The following ATP4A variants were observed in gnomAD, a reference collection of about 807,000 sequenced individuals.
ATP4A encodes ATPase H+/K+ transporting subunit alpha.
Under a neutral mutation model 112.1 loss-of-function variants are expected in ATP4A, and 73 were observed. The observed-to-expected ratio is 0.65, with a 90% CI of 0.54 to 0.79. ATP4A has a LOEUF of 0.79. Among genes scored for constraint, ATP4A ranks in the 30% least tolerant of loss-of-function variants. The pLI is 0.00. For synonymous variants in ATP4A, 588 were observed against 588.9 expected (o/e 1.00, Z 0.02); for missense variants, 1,081 against 1,425.9 (o/e 0.76, Z 3.90).
chr19:35,555,551 C>T lies in ATP4A; in HGVS notation c.2046G>A (p.Lys682=). Residue 682 remains lysine, a synonymous_variant, in exon 14 of 22, where the codon AAG becomes AAA. Transcript: ENST00000262623. The surrounding 1 kb of genome is among the most constrained non-coding windows in gnomAD (Gnocchi z 6.6). ...RACVINGMQL[K]DMDPSELVEA... ...CGACCAGTTCCGATGGGTCCATGTCCTTCAGCTGCATGCCATTGATCACAC... is the reference window on the plus strand; with the variant it reads ...CGACCAGTTCCGATGGGTCCATGTCTTTCAGCTGCATGCCATTGATCACAC... The T allele has an allele frequency of 1.3e-6, 2 of 1,592,006 alleles. No individual in the cohort carries two copies. Among genetic ancestry groups the T allele is most frequent in the Non-Finnish European group, 8.6e-7 (1 of 1,164,562 alleles).
chr19:35,555,779 C>T lies in ATP4A; in HGVS notation c.1903G>A (p.Ala635Thr), dbSNP rs1404726499. Residue 635 changes from alanine (A) to threonine (T), a missense_variant, in exon 13 of 22, where the codon GCC becomes ACC. Around this residue, in one of 3 missense-constraint regions of ATP4A, gnomAD observed 850 missense variants for 1,068.2 expected, o/e 0.80. Transcript: ENST00000262623. The surrounding 1 kb of genome is among the most constrained non-coding windows in gnomAD (Gnocchi z 6.6). ...CCCACACTGGCTGCAATGGCCTTGG[C>T]GGTGATGGGGTGGTCACCCGTTACC... is the stretch of plus-strand genomic sequence containing the variant. Reference protein sequence around the residue: ...IMVTGDHPITAKAIAASVGII... With the variant: ...IMVTGDHPITTKAIAASVGII... 3.7e-6 allele frequency: 6 copies of T among 1,613,390 alleles called. No individual in the cohort carries two copies. The South Asian group carries it at 4.4e-5, about 12-fold the overall frequency.
Position 35,560,940 on chromosome 19 carries a change from C to T in ATP4A, c.421-8G>A. On this transcript the variant is annotated splice_region_variant and splice_polypyrimidine_tract_variant and intron_variant, in intron 4 of 21. Transcript: ENST00000262623. The surrounding 1 kb of genome is among the most constrained non-coding windows in gnomAD (Gnocchi z 5.1). ...AGCGATTGCCAGGTACAGCTGGGGA[C>T]AGGGAAGGGGTGGGGTTATTCAGAG... 1 of 1,613,092 alleles carries T rather than the reference C, an allele frequency of 6.2e-7. No homozygotes were observed. Among genetic ancestry groups the T allele is most frequent in the South Asian group, 1.1e-5 (1 of 91,048 alleles).
chr19:35,563,096 C>T lies in ATP4A; in HGVS notation c.216+113G>A, dbSNP rs900748991. On this transcript the variant is annotated intron_variant, in intron 3 of 21. Coordinates refer to ENST00000262623, the MANE Select transcript of ATP4A (RefSeq NM_000704.3). Reference sequence around the variant, plus strand: ...CCTCCCTCTCTCTATTTCTCCATATCTTCCTCTCTTCATCTCTCCCTCTCT... The same window carrying T: ...CCTCCCTCTCTCTATTTCTCCATATTTTCCTCTCTTCATCTCTCCCTCTCT... 7.3e-6 allele frequency: 8 copies of T among 1,094,198 alleles called. No homozygotes were observed. In the African/African-American group the frequency reaches 1.3e-4, roughly 18 times the overall value. 67.8% of individuals were successfully genotyped at this position (1,094,198 alleles called of 1,614,324 possible). A position where few individuals can be genotyped will look rare whatever the true frequency, so the allele number is the denominator to read the frequency against.
In ATP4A at chr19:35,562,429, G is replaced by T. The variant is rs376808898; in HGVS notation, c.420+6C>A. 12 of 1,612,566 alleles carry T rather than the reference G, an allele frequency of 7.4e-6. No individual in the cohort carries two copies. The highest frequency in any genetic ancestry group is 1.3e-5 in the African/African-American group (1 of 74,892). On this transcript the variant is annotated splice_donor_region_variant and intron_variant, in intron 4 of 21. Coordinates refer to ENST00000262623, the MANE Select transcript of ATP4A (RefSeq NM_000704.3). ...GTCCTGAGCCTGTCCCCACAACATGGCTCACATTGTCGTCGGTGGTGAGGT... is the reference window on the plus strand; with the variant it reads ...GTCCTGAGCCTGTCCCCACAACATGTCTCACATTGTCGTCGGTGGTGAGGT...
At position 35,557,525 on chromosome 19, in the gene ATP4A, G is replaced by T; in HGVS notation, c.1693+130C>A. On this transcript the variant is annotated intron_variant, in intron 11 of 21. Transcript: ENST00000262623. This position sits in a 1 kb window ranked among gnomAD's most constrained non-coding sequence, Gnocchi z 4.4. ...TGGTACAGGGAAAGTCAAGGGTGAG[G>T]CTGTGGACTGCGACAAATCAGCCAG... is the stretch of plus-strand genomic sequence containing the variant. 1.8e-6 allele frequency: 2 copies of T among 1,133,760 alleles called. No individual in the cohort carries two copies. Among genetic ancestry groups the T allele is most frequent in the African/African-American group, 1.6e-5 (1 of 64,494 alleles). The allele number at this position is 1,133,760 out of a possible 1,614,324, so 70.2% of individuals were successfully genotyped here. A position where few individuals can be genotyped will look rare whatever the true frequency, so the allele number is the denominator to read the frequency against.
Position 35,560,858 on chromosome 19 carries a change from G to A in ATP4A, c.495C>T (p.Ser165=). 6.2e-7 allele frequency: 1 copy of A among 1,613,998 alleles called. No individual in the cohort carries two copies. The highest frequency in any genetic ancestry group is 8.5e-7 in the Non-Finnish European group (1 of 1,179,956). The part of the protein sequence containing the change: ...GCFGYYQEFK[S]TNIIASFKNL... ...TCTTAAAGCTGGCGATGATGTTGGTGCTCTTGAATTCCTGGTAGTAGCCAA... is the reference window on the plus strand; with the variant it reads ...TCTTAAAGCTGGCGATGATGTTGGTACTCTTGAATTCCTGGTAGTAGCCAA... The change falls in exon 5 of 22, where the codon AGC becomes AGT. Residue 165 remains serine, a synonymous_variant. Transcript: ENST00000262623. The surrounding 1 kb of genome is among the most constrained non-coding windows in gnomAD (Gnocchi z 5.1).
At chr19:35,553,950 G>A in intron 16 of ATP4A, 121 bp from the exon 17 acceptor site, 2 of 1,383,478 alleles carry the variant, frequency 1.4e-6, no homozygotes, top group Non-Finnish European at 1.9e-6. Context: ...GGCAGGACCT[G>A]CAGGGACGGC....
Position 35,557,812 on chromosome 19 carries a change from C to T in ATP4A, c.1536G>A (p.Pro512=), listed in dbSNP as rs2071640171. The change falls in exon 11 of 22, where the codon CCG becomes CCA. Residue 512 remains proline, a synonymous_variant. Transcript: ENST00000262623. The surrounding 1 kb of genome is among the most constrained non-coding windows in gnomAD (Gnocchi z 4.4). ...SIHTLEDPRD[P]RHLLVMKGAP... The stretch of plus-strand genomic sequence containing the variant: ...CGCCCTTCATCACCAGCAAGTGTCG[C>T]GGGTCCCGCGGGTCCTCCAGCGTAT... 1 of 1,499,512 alleles carries T rather than the reference C, an allele frequency of 6.7e-7. No individual in the cohort carries two copies. The highest frequency in any genetic ancestry group is 9.0e-7 in the Non-Finnish European group (1 of 1,111,618). The allele number at this position is 1,499,512 out of a possible 1,614,324, so 92.9% of individuals were successfully genotyped here. A position where few individuals can be genotyped will look rare whatever the true frequency, so the allele number is the denominator to read the frequency against.
In ATP4A at chr19:35,558,115, G is replaced by C; in HGVS notation, c.1500+247C>G. ...TAGGGTGCGGAGTTGGGCTGGGGGC[G>C]GATTTGGAGAGCGAGGTGCTCCCCA... is the stretch of plus-strand genomic sequence containing the variant. On this transcript the variant is annotated intron_variant, in intron 10 of 21. Transcript: ENST00000262623. This position sits in a 1 kb window ranked among gnomAD's most constrained non-coding sequence, Gnocchi z 5.1. The C allele has an allele frequency of 1.6e-6, 1 of 629,212 alleles. No homozygotes were observed. Among genetic ancestry groups the C allele is most frequent in the South Asian group, 2.0e-5 (1 of 49,270 alleles). The allele number at this position is 629,212 out of a possible 1,614,324, so 39.0% of individuals were successfully genotyped here.
At position 35,558,504 on chromosome 19, in the gene ATP4A, CG is replaced by C. The variant is rs1228930141; in HGVS notation, c.1366-9del. 1.1e-5 allele frequency: 18 copies of C among 1,591,770 alleles called. No homozygotes were observed. ...GTCTCCAATCACGATGCGCTGGGAG[CG>C]GGGACCGGTGTCAGGGGCGAAGCCG... On this transcript the variant is annotated splice_polypyrimidine_tract_variant and intron_variant, in intron 9 of 21. Transcript: ENST00000262623. The surrounding 1 kb of genome is among the most constrained non-coding windows in gnomAD (Gnocchi z 5.1).
At position 35,563,437 on chromosome 19, in the gene ATP4A, C is replaced by T. The variant is rs147319454; in HGVS notation, c.103G>A (p.Gly35Arg). ...KMSKKKKAGG[G>R]GGKRKEKLEN... is the part of the protein sequence containing the mutation. Reference sequence around the variant, plus strand: ...AGCTTCTCCTTCCTCTTGCCACCCCCGCCACCCGCCTTCTTCTTCTTGCTC... The same window carrying T: ...AGCTTCTCCTTCCTCTTGCCACCCCTGCCACCCGCCTTCTTCTTCTTGCTC... Residue 35 changes from glycine (G) to arginine (R), a missense_variant, in exon 2 of 22, where the codon GGG becomes AGG. Coordinates refer to ENST00000262623, the MANE Select transcript of ATP4A (RefSeq NM_000704.3). 228 of 1,613,996 alleles carry T rather than the reference C, an allele frequency of 1.4e-4. No homozygotes were observed. Among genetic ancestry groups the T allele is most frequent in the Non-Finnish European group, 1.8e-4 (214 of 1,179,986 alleles).
chr19:35,558,126 G>T lies in ATP4A; in HGVS notation c.1500+236C>A. On this transcript the variant is annotated intron_variant, in intron 10 of 21. Transcript: ENST00000262623. This position sits in a 1 kb window ranked among gnomAD's most constrained non-coding sequence, Gnocchi z 5.1. ...GTTGGGCTGGGGGCGGATTTGGAGA[G>T]CGAGGTGCTCCCCATGGACAGTCCC... is the stretch of plus-strand genomic sequence containing the variant. 1 of 640,314 alleles carries T rather than the reference G, an allele frequency of 1.6e-6. No individual in the cohort carries two copies. The allele number at this position is 640,314 out of a possible 1,614,324, so 39.7% of individuals were successfully genotyped here. A position where few individuals can be genotyped will look rare whatever the true frequency, so the allele number is the denominator to read the frequency against.
Position 35,557,029 on chromosome 19 carries a change from C to T in ATP4A, c.1753G>A (p.Glu585Lys), listed in dbSNP as rs1006382556. 1.8e-5 allele frequency: 29 copies of T among 1,614,086 alleles called. No homozygotes were observed. Among genetic ancestry groups the T allele is most frequent in the Non-Finnish European group, 2.5e-5 (29 of 1,180,042 alleles). Residue 585 changes from glutamate (E) to lysine (K), a missense_variant, in exon 12 of 22, where the codon GAG (glutamate) becomes AAG (lysine). Transcript: ENST00000262623. This position sits in a 1 kb window ranked among gnomAD's most constrained non-coding sequence, Gnocchi z 4.4. ...DYPPGYAFDV[E>K]AMNFPSSGLC... is the part of the protein sequence containing the mutation. ...CCGCTAGATGGAAAGTTCATGGCCT[C>T]TACGTCGAAGGCATAGCCAGGCGGG...
Position 35,562,516 on chromosome 19 carries a change from G to A in ATP4A, c.339C>T (p.Cys113=). ...FARQLAGGLQ[C]LMWVAAAICL... ...AGATGGCGGCGGCAACCCACATGAGGCACTGCAGGCCCCCGGCCAGCTGCC... is the reference window on the plus strand; with the variant it reads ...AGATGGCGGCGGCAACCCACATGAGACACTGCAGGCCCCCGGCCAGCTGCC... Residue 113 remains cysteine (C), a synonymous_variant, in exon 4 of 22, where the codon TGC becomes TGT. Transcript: ENST00000262623. The A allele has an allele frequency of 6.2e-7, 1 of 1,614,078 alleles. No homozygotes were observed. The highest frequency in any genetic ancestry group is 8.5e-7 in the Non-Finnish European group (1 of 1,179,996).
chr19:35,552,065 G>T (rs2071605203), intron 18 of ATP4A, among the ~76,000 whole-genome samples: 2 of 151,124 alleles, frequency 1.3e-5, no homozygotes, highest in African/African-American at 2.4e-5. Flanking sequence ...TTTTTTTTTT[G>T]AGATGGAATC....
Position 35,555,418 on chromosome 19 carries a change from C to T in ATP4A, c.2157+22G>A. Reference sequence around the variant, plus strand: ...AGCCCCGCCTGTCTGCCCGCCTGCCCACCCTCATCAGCAGGGCTCACCAGC... The same window carrying T: ...AGCCCCGCCTGTCTGCCCGCCTGCCTACCCTCATCAGCAGGGCTCACCAGC... On this transcript the variant is annotated intron_variant, in intron 14 of 21. Coordinates refer to ENST00000262623, the MANE Select transcript of ATP4A (RefSeq NM_000704.3). The surrounding 1 kb of genome is among the most constrained non-coding windows in gnomAD (Gnocchi z 6.6). 4 of 1,608,402 alleles carry T rather than the reference C, an allele frequency of 2.5e-6. No homozygotes were observed. The highest frequency in any genetic ancestry group is 3.4e-6 in the Non-Finnish European group (4 of 1,176,432).
chr19:35,561,261 T>G (rs2146312129), intron 4 of ATP4A, among the ~76,000 whole-genome samples: 1 of 152,224 alleles, frequency 6.6e-6, no homozygotes. Flanking sequence ...TCCCTTCTCC[T>G]GTGTCCCCAA....
intron 4 of ATP4A, among the ~76,000 whole-genome samples, chr19:35,562,045 G>A (rs2071674021): frequency 6.6e-6 from 1 of 151,796 alleles, no homozygotes; most frequent in African/African-American, 2.4e-5. Context: ...TAGTAGAGAT[G>A]GGGTTTTGCC....
intron 17 of ATP4A, 36 bp from the exon 18 acceptor site, chr19:35,553,218 T>C: frequency 6.4e-7 from 1 of 1,567,346 alleles, no homozygotes; most frequent in Non-Finnish European, 8.7e-7. Flanking sequence ...GAGACAGAGA[T>C]GGACACAGAG....
Sources: gnomAD v4.1 joint callset for allele counts (sites outside exome capture counted in the v4.1 genomes callset) on GRCh38, gnomAD v4.1.1 for gene constraint, gnomAD v4.1.1 regional missense constraint, Gnocchi (gnomAD v3.1) non-coding constraint, MANE v1.5 for transcripts, NCBI Gene and HGNC (gene_info 2026-07-23, HGNC 2026-07-21) for gene names.